DOCK3: variants seen among roughly 807,000 people sequenced by gnomAD.
DOCK3 encodes the protein dedicator of cytokinesis protein 3.
In DOCK3, 60 loss-of-function variants were observed where a neutral mutation model predicts 265.6. The observed-to-expected ratio is 0.23, with a 90% CI of 0.18 to 0.28. DOCK3 has a LOEUF of 0.28. DOCK3 is among the 10% of genes least tolerant of loss of function. The pLI, the probability that DOCK3 is intolerant of heterozygous loss-of-function variation, is 1.00. For missense variants in DOCK3, 1,981 were observed against 2,594.3 expected (o/e 0.76, Z 5.14); for synonymous variants, 881 against 938.0 (o/e 0.94, Z 1.11).
intron 12 of DOCK3, among the ~76,000 whole-genome samples, chr3:51,162,337 AT>A (rs2086181067): frequency 6.6e-6 from 1 of 152,090 alleles, no homozygotes; most frequent in South Asian, 2.1e-4. Context: ...CTCATTACCT[AT>A]TTTCCCTTAA....
At chr3:51,375,483 C>T (rs1212496893) in intron 50 of DOCK3, among the ~76,000 whole-genome samples, 1 of 152,104 alleles carries the variant, frequency 6.6e-6, no homozygotes, top group Admixed American at 6.5e-5. Flanking sequence ...TTTCTTGGGC[C>T]CTACATAAGA....
rs1426752215 is a variant in DOCK3 at position 51,176,296 on chromosome 3, C to T, written c.1037+15594C>T. ...TCTCTTCCTTTCTTTTTTTCTTCTG[C>T]TCCTCCTCCAAAAAGAATGGCATGA... On this transcript the variant is annotated intron_variant, in intron 12 of 52. Coordinates refer to ENST00000266037, the MANE Select transcript of DOCK3 (RefSeq NM_004947.5). Among the ~76,000 whole-genome samples, 8 of 151,874 alleles carry T rather than the reference C, an allele frequency of 5.3e-5. No individual in the cohort carries two copies. In the South Asian group the frequency reaches 6.2e-4, roughly 12 times the overall value.
chr3:51,136,150 C>T (rs1038038085), intron 9 of DOCK3, among the ~76,000 whole-genome samples: 3 of 152,146 alleles, frequency 2.0e-5, no homozygotes, highest in African/African-American at 4.8e-5. Context: ...TGGCAAAAGC[C>T]TTGCAGTCTT....
At chr3:50,978,065 TC>T (rs1278074127) in intron 5 of DOCK3, among the ~76,000 whole-genome samples, 2 of 152,026 alleles carry the variant, frequency 1.3e-5, no homozygotes, top group Non-Finnish European at 2.9e-5. Context: ...TTCAAAGTTT[TC>T]AACTTCTTTG....
At chr3:51,000,036 G>GA (rs1290358256) in intron 5 of DOCK3, among the ~76,000 whole-genome samples, 1 of 152,152 alleles carries the variant, frequency 6.6e-6, no homozygotes, top group Non-Finnish European at 1.5e-5. Flanking sequence ...AGCCCAAAGT[G>GA]AAAACTGAGG....
At chr3:51,108,832 T>A (rs1286167652) in intron 9 of DOCK3, among the ~76,000 whole-genome samples, 1 of 152,212 alleles carries the variant, frequency 6.6e-6, no homozygotes, top group Non-Finnish European at 1.5e-5. Context: ...CAAGAAGACC[T>A]AACTATCCTA....
At chr3:51,333,319 C>G in intron 35 of DOCK3, 66 bp downstream of exon 35, 3 of 1,510,856 alleles carry the variant, frequency 2.0e-6, no homozygotes, top group Non-Finnish European at 2.7e-6. Flanking sequence ...AGGGAATCCC[C>G]CTGACCTGAA....
At chr3:51,004,648 ATTTAAT>A (rs1331550277) in intron 5 of DOCK3, among the ~76,000 whole-genome samples, 1 of 151,324 alleles carries the variant, frequency 6.6e-6, no homozygotes, top group Non-Finnish European at 1.5e-5. Flanking sequence ...TATTCTACTG[ATTTAAT>A]TTTATTCTTT....
rs762839254 is a variant in DOCK3, at chr3:51,315,005, G to A, written c.3279G>A (p.Pro1093=). Residue 1093 remains proline, a synonymous_variant, in exon 32 of 53, where the codon CCG becomes CCA. Transcript: ENST00000266037. ...GTGAACATAAGATCCACTTTATTCC[G>A]GGAATGATTGGTCCTTTTCTGGGTG... is the stretch of plus-strand genomic sequence containing the variant. ...NLGEHKIHFI[P]GMIGPFLGVT... 34 of 1,609,124 alleles carry A rather than the reference G, an allele frequency of 2.1e-5. 1 individual carries two copies. The highest frequency in any genetic ancestry group is 8.4e-5 in the Admixed American group (5 of 59,420).
intron 22 of DOCK3, among the ~76,000 whole-genome samples, chr3:51,253,242 A>G (rs990464230): frequency 6.6e-6 from 1 of 152,198 alleles, no homozygotes; most frequent in Admixed American, 6.5e-5. Flanking sequence ...AAGCTTTTTG[A>G]TGTGCTACTG....
chr3:51,059,543 C>T (rs965504298), intron 5 of DOCK3, among the ~76,000 whole-genome samples: 2 of 151,408 alleles, frequency 1.3e-5, no homozygotes, highest in Non-Finnish European at 2.9e-5. Context: ...CTCAGAACTA[C>T]CTAGCAATGG....
At chr3:51,342,957 G>A (rs1356505072) in intron 38 of DOCK3, among the ~76,000 whole-genome samples, 1 of 152,170 alleles carries the variant, frequency 6.6e-6, no homozygotes. Context: ...CAGAGGGGCA[G>A]TTATCAGACC....
intron 3 of DOCK3, among the ~76,000 whole-genome samples, chr3:50,843,602 A>C (rs75857882): frequency 7.9e-4 from 121 of 152,344 alleles, no homozygotes; most frequent in African/African-American, 2.8e-3. Context: ...GCTGTACAAA[A>C]TGAGGAACCT....
At chr3:50,850,313 T>C (rs1440259491) in intron 3 of DOCK3, among the ~76,000 whole-genome samples, 1 of 151,538 alleles carries the variant, frequency 6.6e-6, no homozygotes. Context: ...TGAGCGAAGA[T>C]TGTGCCACTG....
intron 2 of DOCK3, among the ~76,000 whole-genome samples, chr3:50,806,181 G>A (rs2043402944): frequency 6.6e-6 from 1 of 152,032 alleles, no homozygotes; most frequent in Admixed American, 6.5e-5. Flanking sequence ...CAGGCCTGGG[G>A]GTGTGGTGTG....
At chr3:51,158,626 A>T (rs2085977087) in intron 10 of DOCK3, among the ~76,000 whole-genome samples, 1 of 152,226 alleles carries the variant, frequency 6.6e-6, no homozygotes, top group Non-Finnish European at 1.5e-5. Flanking sequence ...TCTGGATCAT[A>T]TGTGTTTACT....
intron 5 of DOCK3, among the ~76,000 whole-genome samples, chr3:51,060,035 A>G (rs1171951023): frequency 3.9e-5 from 6 of 152,250 alleles, no homozygotes; most frequent in South Asian, 2.1e-4. Flanking sequence ...CAGATTCTTC[A>G]GAAGAGTTGT....
At chr3:51,203,746 G>A (rs1275554550) in intron 12 of DOCK3, among the ~76,000 whole-genome samples, 17 of 152,208 alleles carry the variant, frequency 1.1e-4, no homozygotes, top group Middle Eastern at 3.4e-3. Context: ...GAGGCATCAC[G>A]CTACCTGACT....
rs147976823 is a variant in DOCK3, at chr3:50,923,797, A to G, written c.219-10184A>G. ...TAGCCAGGTACTACTTAGCTGTGGT[A>G]TTTGAGCCCTTGATGGTTTACTGTG... is the stretch of plus-strand genomic sequence containing the variant. On this transcript the variant is annotated intron_variant, in intron 4 of 52. Coordinates refer to ENST00000266037, the MANE Select transcript of DOCK3 (RefSeq NM_004947.5). Among the ~76,000 whole-genome samples, 1,335 of 152,252 alleles carry G rather than the reference A, an allele frequency of 8.8e-3. 25 individuals carry two copies. Among genetic ancestry groups the G allele is most frequent in the African/African-American group, 0.029 (1,191 of 41,550 alleles).
Sources: gnomAD v4.1 joint callset for allele counts (sites outside exome capture counted in the v4.1 genomes callset) on GRCh38, gnomAD v4.1.1 for gene constraint, MANE v1.5 for transcripts, NCBI Gene and HGNC (gene_info 2026-07-23, HGNC 2026-07-21) for gene names.